The following BLTP1 variants were observed in gnomAD, a reference collection of about 807,000 sequenced individuals.
The protein encoded by BLTP1 is bridge-like lipid transfer protein family member 1.
chr4:122,152,951 C>T, the BLTP1 span: 1 of 968,686 alleles, frequency 1.0e-6, no homozygotes, highest in South Asian at 4.8e-5. Context: ...TAGTAGACCC[C>T]ATGCTGCTTA....
At chr4:122,188,055 C>A in the BLTP1 span, 1 of 1,550,194 alleles carries the variant, frequency 6.5e-7, no homozygotes, top group Non-Finnish European at 8.7e-7. Flanking sequence ...ATGCTTGTTC[C>A]TAGTCCAAGA....
the BLTP1 span, among the ~76,000 whole-genome samples, chr4:122,338,233 G>C: frequency 6.6e-6 from 1 of 151,738 alleles, no homozygotes; most frequent in Non-Finnish European, 1.5e-5. Context: ...TAGATCACTT[G>C]AGCCTGGTAG....
At chr4:122,186,297 A>C in the BLTP1 span, 4 of 1,203,276 alleles carry the variant, frequency 3.3e-6, no homozygotes, top group Non-Finnish European at 4.6e-6. Context: ...CATTGAGGCT[A>C]TGCACCTAAA....
chr4:122,156,470 A>C, the BLTP1 span, among the ~76,000 whole-genome samples: 1 of 152,216 alleles, frequency 6.6e-6, no homozygotes, highest in African/African-American at 2.4e-5. Flanking sequence ...AGACATCTAT[A>C]GACATCAAAT....
chr4:122,178,587 A>G, the BLTP1 span, among the ~76,000 whole-genome samples: 7 of 152,324 alleles, frequency 4.6e-5, no homozygotes, highest in African/African-American at 1.7e-4. Flanking sequence ...AGAGAAAGGT[A>G]TTAATTTCTG....
the BLTP1 span, chr4:122,359,548 T>C: frequency 0.065 from 103,795 of 1,606,236 alleles, 3,811 homozygotes; most frequent in Middle Eastern, 0.076. Flanking sequence ...ATCTAAATTT[T>C]CCTTATAGCC....
chr4:122,317,935 TG>T, the BLTP1 span, among the ~76,000 whole-genome samples: 1 of 152,176 alleles, frequency 6.6e-6, no homozygotes, highest in Non-Finnish European at 1.5e-5. Flanking sequence ...GATGCAGCAA[TG>T]GATAAGACAC....
the BLTP1 span, chr4:122,308,278 A>T: frequency 9.1e-7 from 1 of 1,098,190 alleles, no homozygotes; most frequent in East Asian, 2.4e-5. Context: ...ACTGTTTAGT[A>T]GGTAGCAAGT....
the BLTP1 span, chr4:122,341,574 A>AT: frequency 1.6e-6 from 1 of 631,140 alleles, no homozygotes; most frequent in Non-Finnish European, 2.0e-6. Flanking sequence ...GAAATGAGAA[A>AT]TTTTTTATGC....
chr4:122,358,342 AAAC>A, the BLTP1 span, among the ~76,000 whole-genome samples: 1 of 152,226 alleles, frequency 6.6e-6, no homozygotes, highest in South Asian at 2.1e-4. Context: ...TATTTCTAAA[AAAC>A]AACAACAAAA....
the BLTP1 span, chr4:122,302,370 C>A: frequency 3.0e-6 from 1 of 330,414 alleles, no homozygotes; most frequent in Non-Finnish European, 4.3e-6. Context: ...ATTGAAGGTG[C>A]CATTTTTCCA....
chr4:122,185,041 T>G, the BLTP1 span: 1 of 985,352 alleles, frequency 1.0e-6, no homozygotes, highest in East Asian at 1.1e-4. Context: ...AGCAAAACGA[T>G]AGAAGACTAA....
chr4:122,241,733 G>C, the BLTP1 span, among the ~76,000 whole-genome samples: 1 of 152,308 alleles, frequency 6.6e-6, no homozygotes, highest in Non-Finnish European at 1.5e-5. Context: ...CCCATGCTAA[G>C]ATTTCAAAAT....
At chr4:122,209,791 A>G in the BLTP1 span, 12 of 1,610,606 alleles carry the variant, frequency 7.5e-6, no homozygotes, top group South Asian at 9.9e-5. Flanking sequence ...GTATCTGACT[A>G]GAAACTGTCT....
chr4:122,158,316 T>C, the BLTP1 span, among the ~76,000 whole-genome samples: 1 of 152,222 alleles, frequency 6.6e-6, no homozygotes, highest in Admixed American at 6.5e-5. Flanking sequence ...TCTCTTTGTA[T>C]TGCTCACCAT....
the BLTP1 span, chr4:122,200,244 A>G: frequency 1.9e-5 from 19 of 985,150 alleles, no homozygotes; most frequent in Non-Finnish European, 2.3e-5. Flanking sequence ...GTGCTGTGTG[A>G]CAATGCTCTT....
the BLTP1 span, chr4:122,198,506 T>A: frequency 1.1e-6 from 1 of 921,778 alleles, no homozygotes; most frequent in Non-Finnish European, 1.3e-6. Context: ...TAGGAAATAG[T>A]ATTTTTACTG....
chr4:122,192,226 T>C, the BLTP1 span: 2 of 1,612,144 alleles, frequency 1.2e-6, no homozygotes, highest in Non-Finnish European at 1.7e-6. Context: ...TTCTGGAATA[T>C]AGGACTTGTT....
chr4:122,200,634 G>C, the BLTP1 span: 1 of 852,598 alleles, frequency 1.2e-6, no homozygotes. Flanking sequence ...ATGTTACTTT[G>C]TGTGACAGTA....
Sources: allele counts gnomAD v4.1 joint callset (sites outside exome capture counted in the v4.1 genomes callset), GRCh38; gene constraint gnomAD v4.1.1; transcripts MANE v1.5; gene names NCBI Gene and HGNC (gene_info 2026-07-23, HGNC 2026-07-21).